The following MACROD2 variants were observed in gnomAD, a reference collection of about 807,000 sequenced individuals.
MACROD2 encodes the protein mono-ADP ribosylhydrolase 2.
In MACROD2, 36 loss-of-function variants were observed where a neutral mutation model predicts 70.4. The ratio of observed to expected loss-of-function variants is 0.51; its 90% CI spans 0.39 to 0.68. The LOEUF (loss-of-function observed/expected upper bound fraction) is 0.68. Among genes scored for constraint, MACROD2 ranks in the 30% least tolerant of loss-of-function variants. The pLI is 0.00. For synonymous variants in MACROD2, 172 were observed against 178.8 expected (o/e 0.96, Z 0.30); for missense variants, 496 against 538.4 (o/e 0.92, Z 0.78).
chr20:14,699,754 C>CTTTT (rs1207128899), intron 5 of MACROD2, among the ~76,000 whole-genome samples: 3 of 151,746 alleles, frequency 2.0e-5, no homozygotes, highest in Admixed American at 6.6e-5. Flanking sequence ...TATCACAGAA[C>CTTTT]TTTAAATCTA....
intron 3 of MACROD2, chr20:14,327,626 A>C: frequency 8.7e-7 from 1 of 1,144,488 alleles, no homozygotes; most frequent in East Asian, 2.6e-5. Context: ...ATGTTTAAAA[A>C]CAAATGTGGA....
intron 3 of MACROD2, among the ~76,000 whole-genome samples, chr20:14,235,127 T>C (rs2081856974): frequency 6.6e-6 from 1 of 152,122 alleles, no homozygotes; most frequent in Non-Finnish European, 1.5e-5. Flanking sequence ...TTAAAAAAGG[T>C]ATCTAGTTAT....
chr20:14,976,872 T>C (rs1348499785), intron 5 of MACROD2, among the ~76,000 whole-genome samples: 1 of 152,172 alleles, frequency 6.6e-6, no homozygotes, highest in African/African-American at 2.4e-5. Context: ...GCAAATACAA[T>C]GCGGGGCTCT....
chr20:14,944,245 T>G (rs995522516), intron 5 of MACROD2, among the ~76,000 whole-genome samples: 1 of 152,078 alleles, frequency 6.6e-6, no homozygotes, highest in African/African-American at 2.4e-5. Flanking sequence ...AGAGGAGGGC[T>G]GGGGAAGGCA....
At chr20:14,540,375 C>A (rs1000189033) in intron 4 of MACROD2, among the ~76,000 whole-genome samples, 1 of 152,292 alleles carries the variant, frequency 6.6e-6, no homozygotes, top group East Asian at 1.9e-4. Flanking sequence ...TGCAGGCAGT[C>A]AAACATATTT....
rs202238084 is a variant in MACROD2, at chr20:15,746,500, T to TAA, written c.646-116244_646-116243insAA. On this transcript the variant is annotated intron_variant, in intron 8 of 17. Transcript: ENST00000684519. ...TATTACCATTTAGTTTTACTTGCCT[T>TAA]ATTGCACTTATTTCCAGTGAAACAG... 4.8e-3 allele frequency among the ~76,000 whole-genome samples: 733 copies of TAA among 151,178 alleles called. 5 individuals are homozygous for TAA. The highest frequency in any genetic ancestry group is 0.017 in the African/African-American group (703 of 41,224).
chr20:14,666,923 G>A (rs2070742680), intron 4 of MACROD2, among the ~76,000 whole-genome samples: 2 of 151,486 alleles, frequency 1.3e-5, no homozygotes, highest in Admixed American at 6.6e-5. Context: ...TATGTGACCT[G>A]ACTTTCAACT....
At chr20:14,740,661 T>C (rs896093984) in intron 5 of MACROD2, among the ~76,000 whole-genome samples, 3 of 152,232 alleles carry the variant, frequency 2.0e-5, no homozygotes, top group Non-Finnish European at 4.4e-5. Flanking sequence ...TTATCTTTCA[T>C]TTGAGGCTTC....
intron 4 of MACROD2, among the ~76,000 whole-genome samples, chr20:14,616,257 T>C (rs1707861673): frequency 6.6e-6 from 1 of 152,136 alleles, no homozygotes; most frequent in Non-Finnish European, 1.5e-5. Flanking sequence ...ATGAAATGAC[T>C]AATATTTGTT....
intron 8 of MACROD2, among the ~76,000 whole-genome samples, chr20:15,768,817 GTATT>G (rs1285998080): frequency 6.6e-6 from 1 of 151,892 alleles, no homozygotes; most frequent in African/African-American, 2.4e-5. Context: ...TTTCATGTAT[GTATT>G]TATTTTCACT....
At chr20:14,479,315 G>A (rs1021657894) in intron 3 of MACROD2, among the ~76,000 whole-genome samples, 4 of 152,138 alleles carry the variant, frequency 2.6e-5, no homozygotes, top group Admixed American at 2.6e-4. Flanking sequence ...CCCCGTGCTG[G>A]TGCTGTCCTG....
chr20:15,609,343 A>G (rs563002395), intron 8 of MACROD2, among the ~76,000 whole-genome samples: 18 of 152,342 alleles, frequency 1.2e-4, no homozygotes, highest in African/African-American at 4.1e-4. Flanking sequence ...CGGTGCATTC[A>G]TTGTTTTAGA....
At chr20:14,225,411 C>A (rs1227538542) in intron 3 of MACROD2, among the ~76,000 whole-genome samples, 1 of 152,132 alleles carries the variant, frequency 6.6e-6, no homozygotes, top group South Asian at 2.1e-4. Flanking sequence ...TTATTTTTAA[C>A]TATGATAGAT....
At chr20:14,508,929 AC>A (rs2084999048) in intron 4 of MACROD2, among the ~76,000 whole-genome samples, 1 of 152,146 alleles carries the variant, frequency 6.6e-6, no homozygotes, top group Non-Finnish European at 1.5e-5. Flanking sequence ...ATTTAAGACC[AC>A]ACAATGAAAA....
At chr20:14,352,628 A>T (rs2083134141) in intron 3 of MACROD2, among the ~76,000 whole-genome samples, 1 of 152,144 alleles carries the variant, frequency 6.6e-6, no homozygotes, top group Admixed American at 6.5e-5. Flanking sequence ...GTTCATCTTT[A>T]ACTTAATAGG....
chr20:15,413,579 GGAGTGTTATTTAATGTTTACT>G (rs2046107736), intron 6 of MACROD2, among the ~76,000 whole-genome samples: 1 of 152,032 alleles, frequency 6.6e-6, no homozygotes, highest in Admixed American at 6.5e-5. Flanking sequence ...ATGTGATTGG[GGAGTGTTATTTAATGTTTACT>G]GAGAGTTCCA....
At chr20:15,350,762 A>G (rs896559926) in intron 6 of MACROD2, among the ~76,000 whole-genome samples, 6 of 152,212 alleles carry the variant, frequency 3.9e-5, no homozygotes, top group Non-Finnish European at 8.8e-5. Flanking sequence ...AATAGTTTTC[A>G]TTGAAGCAAC....
At chr20:14,147,725 C>G (rs962289746) in intron 3 of MACROD2, among the ~76,000 whole-genome samples, 25 of 152,128 alleles carry the variant, frequency 1.6e-4, no homozygotes, top group Non-Finnish European at 3.4e-4. Flanking sequence ...ACAGACTTTC[C>G]ATGCTCGAGA....
At chr20:15,189,836 G>A (rs1009179213) in intron 5 of MACROD2, among the ~76,000 whole-genome samples, 3 of 152,080 alleles carry the variant, frequency 2.0e-5, no homozygotes, top group East Asian at 1.9e-4. Context: ...TTATCTCACC[G>A]AGATGATTTT....
Sources: allele counts gnomAD v4.1 joint callset (sites outside exome capture counted in the v4.1 genomes callset), GRCh38; gene constraint gnomAD v4.1.1; transcripts MANE v1.5; gene names NCBI Gene and HGNC (gene_info 2026-07-23, HGNC 2026-07-21).